Variants in DAAM1 observed in about 807,000 individuals in gnomAD.
DAAM1 encodes the protein dishevelled associated activator of morphogenesis 1, also known as disheveled-associated activator of morphogenesis 1.
DAAM1 carries 52 observed loss-of-function variants against 130.0 expected under a neutral mutation model. The ratio of observed to expected loss-of-function variants is 0.40; its 90% CI spans 0.32 to 0.50. The LOEUF is 0.50. DAAM1 is among the 20% of genes least tolerant of loss of function. DAAM1 has a pLI of 0.61. For missense variants in DAAM1, 1,134 were observed against 1,303.8 expected (o/e 0.87, Z 2.01); for synonymous variants, 452 against 444.5 (o/e 1.02, Z -0.21).
chr14:59,247,599 T>C (rs7154112), intron 1 of DAAM1, among the ~76,000 whole-genome samples: 35,761 of 152,078 alleles, frequency 0.24, 4,810 homozygotes, highest in East Asian at 0.5. Flanking sequence ...ACCTTCTTGG[T>C]TGAAAGTTAA....
intron 3 of DAAM1, among the ~76,000 whole-genome samples, chr14:59,306,002 T>G (rs1301401382): frequency 6.6e-6 from 1 of 152,214 alleles, no homozygotes; most frequent in African/African-American, 2.4e-5. Context: ...GCACTGTATC[T>G]TTACTTTGAA....
At chr14:59,251,688 G>A (rs1881649054) in intron 1 of DAAM1, among the ~76,000 whole-genome samples, 1 of 152,126 alleles carries the variant, frequency 6.6e-6, no homozygotes, top group Non-Finnish European at 1.5e-5. Flanking sequence ...AGTGTTAGAG[G>A]CGACTGTCCT....
rs550133029 is a variant in DAAM1, at chr14:59,331,801, T to C, written c.1861-12T>C. ...CTGTAAACTATAGCACTTATTACAT[T>C]GATGTTTCTAGAACAAACTGGAAGG... On this transcript the variant is annotated splice_polypyrimidine_tract_variant and intron_variant, in intron 14 of 24. Transcript: ENST00000360909. 5 of 1,609,922 alleles carry C rather than the reference T, an allele frequency of 3.1e-6. No homozygotes were observed. The African/African-American group carries it at 4.0e-5, about 13-fold the overall frequency.
intron 1 of DAAM1, among the ~76,000 whole-genome samples, chr14:59,212,930 G>T (rs1246364797): frequency 3.3e-5 from 5 of 151,860 alleles, no homozygotes; most frequent in African/African-American, 1.2e-4. Flanking sequence ...TTTATCAATC[G>T]CAGCATATAA....
At chr14:59,227,703 C>A (rs1201067402) in intron 1 of DAAM1, among the ~76,000 whole-genome samples, 1 of 152,174 alleles carries the variant, frequency 6.6e-6, no homozygotes, top group Non-Finnish European at 1.5e-5. Flanking sequence ...AGAAGCTGTT[C>A]ACATTGTAAG....
chr14:59,304,368 G>A (rs1884298109), intron 3 of DAAM1, among the ~76,000 whole-genome samples: 1 of 152,176 alleles, frequency 6.6e-6, no homozygotes, highest in East Asian at 1.9e-4. Flanking sequence ...GTAGAGAGAA[G>A]CTTTGAGCTT....
intron 1 of DAAM1, among the ~76,000 whole-genome samples, chr14:59,207,605 C>G (rs1480389553): frequency 1.3e-5 from 2 of 152,208 alleles, no homozygotes; most frequent in Non-Finnish European, 2.9e-5. Flanking sequence ...AAATTCTACT[C>G]TATGCTTGTT....
Position 59,363,733 on chromosome 14 carries a change from G to A in DAAM1, c.2777G>A (p.Ser926Asn). The change falls in exon 23 of 25, where the codon AGC becomes AAC. Residue 926 changes from serine (S) to asparagine (N), a missense_variant. This residue lies in a region of DAAM1 where 644 missense variants were observed against 695.9 expected (regional missense o/e 0.93). Coordinates refer to ENST00000360909, the MANE Select transcript of DAAM1 (RefSeq NM_001270520.2). ...SVVSQFITVA[S>N]FSFSDVEDLL... The stretch of plus-strand genomic sequence containing the variant: ...GTCAGCCAGTTCATCACAGTAGCCA[G>A]CTTCAGCTTCTCTGATGTTGAAGAC... The A allele has an allele frequency of 6.2e-7, 1 of 1,614,102 alleles. No homozygotes were observed. The highest frequency in any genetic ancestry group is 1.1e-5 in the South Asian group (1 of 91,088).
chr14:59,226,994 G>A (rs1652850172), intron 1 of DAAM1, among the ~76,000 whole-genome samples: 1 of 152,154 alleles, frequency 6.6e-6, no homozygotes, highest in Non-Finnish European at 1.5e-5. Context: ...CTGTTTGTCA[G>A]ATTTTTCCCC....
intron 16 of DAAM1, among the ~76,000 whole-genome samples, chr14:59,343,260 C>T (rs184880157): frequency 1.1e-3 from 164 of 152,258 alleles, no homozygotes; most frequent in Admixed American, 2.1e-3. Flanking sequence ...CTTTTGGTTT[C>T]GCAGGACAGG....
intron 22 of DAAM1, 91 bp from the exon 23 acceptor site, chr14:59,363,560 T>C (rs1886795070): frequency 1.3e-6 from 2 of 1,548,412 alleles, no homozygotes; most frequent in Non-Finnish European, 1.8e-6. Context: ...TTCTGATTTA[T>C]TAAATTTAAG....
Position 59,305,266 on chromosome 14 carries a change from C to T in DAAM1, c.274-10014C>T, listed in dbSNP as rs369802066. Among the ~76,000 whole-genome samples the T allele has an allele frequency of 1.4e-4, 22 of 152,314 alleles. 1 individual carries two copies. The highest frequency in any genetic ancestry group is 8.5e-4 in the Admixed American group (13 of 15,302). On this transcript the variant is annotated intron_variant, in intron 3 of 24. Coordinates refer to ENST00000360909, the MANE Select transcript of DAAM1 (RefSeq NM_001270520.2). ...GAATAATTTGTTTTATGTCATTGCA[C>T]ACTGTTGTGTCATAGGCACAGTGCC...
chr14:59,196,821 C>T (rs1035376807), intron 1 of DAAM1, among the ~76,000 whole-genome samples: 5 of 152,182 alleles, frequency 3.3e-5, no homozygotes, highest in Non-Finnish European at 7.3e-5. Flanking sequence ...AATGAAACAG[C>T]TTAAACTGAA....
At chr14:59,245,875 A>C (rs1881346800) in intron 1 of DAAM1, among the ~76,000 whole-genome samples, 1 of 152,230 alleles carries the variant, frequency 6.6e-6, no homozygotes, top group African/African-American at 2.4e-5. Flanking sequence ...GGAAAATTGC[A>C]GAAATGAAAG....
chr14:59,326,598 C>A lies in DAAM1; in HGVS notation c.1263C>A (p.Asp421Glu). 1.2e-6 allele frequency: 2 copies of A among 1,613,792 alleles called. No homozygotes were observed. The highest frequency in any genetic ancestry group is 1.7e-6 in the Non-Finnish European group (2 of 1,179,896). ...TTATCCAGAATGACAAAGGACAGGA[C>A]CCTGACTCCACACCTTTGGAAAACT... ...QIVIQNDKGQ[D>E]PDSTPLENFN... is the part of the protein sequence containing the mutation. Residue 421 changes from aspartate to glutamate, a missense_variant, in exon 11 of 25, where the codon GAC (aspartate) becomes GAA (glutamate). Around this residue, in one of 3 missense-constraint regions of DAAM1, gnomAD observed 391 missense variants for 521.6 expected, o/e 0.75. Coordinates refer to ENST00000360909, the MANE Select transcript of DAAM1 (RefSeq NM_001270520.2).
At chr14:59,240,657 A>C (rs1174691473) in intron 1 of DAAM1, among the ~76,000 whole-genome samples, 1 of 151,928 alleles carries the variant, frequency 6.6e-6, no homozygotes, top group Non-Finnish European at 1.5e-5. Context: ...AACTATTGTA[A>C]ATTTCTGGTA....
chr14:59,242,719 T>C (rs564366051), intron 1 of DAAM1, among the ~76,000 whole-genome samples: 2 of 152,224 alleles, frequency 1.3e-5, no homozygotes, highest in Non-Finnish European at 2.9e-5. Flanking sequence ...CCACCACGCC[T>C]GGCTAATTTT....
intron 19 of DAAM1, among the ~76,000 whole-genome samples, chr14:59,354,587 G>A (rs896028279): frequency 6.6e-6 from 1 of 152,132 alleles, no homozygotes; most frequent in African/African-American, 2.4e-5. Context: ...CAGAGCCTTA[G>A]TAGCTTTTTT....
intron 2 of DAAM1, among the ~76,000 whole-genome samples, chr14:59,290,350 A>G (rs912550214): frequency 4.6e-5 from 7 of 152,206 alleles, no homozygotes; most frequent in Admixed American, 1.3e-4. Flanking sequence ...TCTGGAGTTC[A>G]ACAGTTCTAA....
Sources: gnomAD v4.1 joint callset for allele counts (sites outside exome capture counted in the v4.1 genomes callset) on GRCh38, gnomAD v4.1.1 for gene constraint, gnomAD v4.1.1 regional missense constraint, MANE v1.5 for transcripts, NCBI Gene and HGNC (gene_info 2026-07-23, HGNC 2026-07-21) for gene names.